Variants in PODN observed in about 807,000 individuals in gnomAD.
The protein encoded by PODN is podocan.
In PODN, 40 loss-of-function variants were observed where a neutral mutation model predicts 52.7. The ratio of observed to expected loss-of-function variants is 0.76; its 90% CI spans 0.59 to 0.99. PODN has a LOEUF of 0.99. Among genes scored for constraint, PODN ranks in the 50% least tolerant of loss-of-function variants. The pLI is 0.00. For synonymous variants in PODN, 396 were observed against 377.9 expected (o/e 1.05, Z -0.56); for missense variants, 720 against 815.1 (o/e 0.88, Z 1.42).
At chr1:53,075,341 A>AG (rs1269042453) in intron 4 of PODN, among the ~76,000 whole-genome samples, 1 of 152,138 alleles carries the variant, frequency 6.6e-6, no homozygotes, top group Non-Finnish European at 1.5e-5. Flanking sequence ...CAGCTCTGCA[A>AG]GGGGGCATCT....
chr1:53,075,867 C>T lies in PODN; in HGVS notation c.477C>T (p.Thr159=), dbSNP rs1354518772. The change falls in exon 5 of 11, where the codon ACC becomes ACT. Residue 159 remains threonine (T), a synonymous_variant. Transcript: ENST00000312553. ...CCCAACTCTTCCCTTCCCAGCTGAC[C>T]TTGGCACCCCGCTTCCTGCCAAACG... ...NYLYLANNKL[T]LAPRFLPNAL... The T allele has an allele frequency of 1.3e-6, 2 of 1,596,606 alleles. No homozygotes were observed. Among genetic ancestry groups the T allele is most frequent in the Non-Finnish European group, 1.7e-6 (2 of 1,169,728 alleles).
Position 53,084,549 on chromosome 1 carries a change from CCT to C in PODN, c.*65_*66del. On this transcript the variant is annotated 3_prime_UTR_variant, in exon 11 of 11. Coordinates refer to ENST00000312553, the MANE Select transcript of PODN (RefSeq NM_153703.5). ...GCCGGACTCTTTTCTGCAGCACACG[CCT>C]GTGTGCTGTGAGCCCCCCACTCTGC... The C allele has an allele frequency of 6.6e-6, 1 of 152,524 alleles. No homozygotes were observed. The highest frequency in any genetic ancestry group is 1.5e-5 in the Non-Finnish European group (1 of 68,196). The allele number at this position is 152,524 out of a possible 1,614,324, so 9.4% of individuals were successfully genotyped here. A position where few individuals can be genotyped will look rare whatever the true frequency, so the allele number is the denominator to read the frequency against.
chr1:53,066,973 C>G (rs971450598), intron 1 of PODN: 1 of 1,156,162 alleles, frequency 8.6e-7, no homozygotes, highest in Non-Finnish European at 1.2e-6. Context: ...CACACTCTCG[C>G]TCTTAGAACC....
At chr1:53,084,286 T>C (rs986964498) in intron 10 of PODN, among the ~76,000 whole-genome samples, 1 of 151,596 alleles carries the variant, frequency 6.6e-6, no homozygotes, top group Non-Finnish European at 1.5e-5. Context: ...TCAGGTCAGT[T>C]GAGTGGGGCT....
chr1:53,083,159 C>G (rs769469303), intron 10 of PODN, among the ~76,000 whole-genome samples: 8 of 152,148 alleles, frequency 5.3e-5, no homozygotes, highest in Admixed American at 3.3e-4. Flanking sequence ...GGAAGTGGGT[C>G]CAGGCACTGC....
chr1:53,067,399 T>C (rs1482917504), intron 1 of PODN, among the ~76,000 whole-genome samples: 1 of 152,038 alleles, frequency 6.6e-6, no homozygotes. Flanking sequence ...TGTTGTCCCC[T>C]CCAGATGGAG....
intron 2 of PODN, 144 bp downstream of exon 2, chr1:53,070,311 G>C: frequency 7.6e-7 from 1 of 1,323,616 alleles, no homozygotes; most frequent in Non-Finnish European, 1.0e-6. Context: ...AGGGTGCTGG[G>C]GCAGGTCAGA....
At chr1:53,072,943 T>C (rs1253227387) in intron 3 of PODN, 1 of 186,090 alleles carries the variant, frequency 5.4e-6, no homozygotes, top group Admixed American at 5.3e-5. Flanking sequence ...GCACCTGTAA[T>C]CCGAGCTACT....
At chr1:53,072,912 A>G (rs1644141160) in intron 3 of PODN, 1 of 156,808 alleles carries the variant, frequency 6.4e-6, no homozygotes, top group South Asian at 1.8e-4. Context: ...AATACAAAAA[A>G]TTATCCCGGT....
chr1:53,066,339 T>C lies in PODN; in HGVS notation c.-55-3462T>C, dbSNP rs1644033084. 1.3e-5 allele frequency among the ~76,000 whole-genome samples: 2 copies of C among 152,190 alleles called. 1 individual carries two copies. Among genetic ancestry groups the C allele is most frequent in the South Asian group, 4.1e-4 (2 of 4,828 alleles). On this transcript the variant is annotated intron_variant, in intron 1 of 10. Transcript: ENST00000312553. ...GTAAAATGAAACTGGTAACATTTAT[T>C]TAACCTGTTCAAAATATTATCATGT...
chr1:53,080,603 ACC>A, intron 8 of PODN, 123 bp from the exon 9 acceptor site: 2 of 1,012,488 alleles, frequency 2.0e-6, no homozygotes, highest in Non-Finnish European at 2.9e-6. Flanking sequence ...AATTATAGAC[ACC>A]CCCCCTCCTC....
chr1:53,067,381 C>T (rs1032508881), intron 1 of PODN, among the ~76,000 whole-genome samples: 11 of 152,098 alleles, frequency 7.2e-5, no homozygotes, highest in Non-Finnish European at 1.0e-4. Context: ...GTTATTGGTA[C>T]CGGGGTCTGT....
chr1:53,063,925 TA>T (rs1487707918), intron 1 of PODN, among the ~76,000 whole-genome samples: 1 of 152,040 alleles, frequency 6.6e-6, no homozygotes, highest in Non-Finnish European at 1.5e-5. Flanking sequence ...GACCCTTCCT[TA>T]AACACACGTC....
At chr1:53,080,493 A>T (rs986112700) in intron 8 of PODN, among the ~76,000 whole-genome samples, 10 of 152,138 alleles carry the variant, frequency 6.6e-5, no homozygotes, top group African/African-American at 2.4e-4. Flanking sequence ...AAGGGTTTGG[A>T]GTCAGGCACA....
Position 53,078,586 on chromosome 1 carries a change from A to G in PODN, c.1076A>G (p.Lys359Arg), listed in dbSNP as rs772970460. ...GIHPLAFQGL[K>R]RLHTVHLYNN... ...CACCCACTGGCCTTCCAGGGCCTCA[A>G]GCGGTTGCACACGGTGCACCTGTAC... is the stretch of plus-strand genomic sequence containing the variant. Residue 359 changes from lysine (K) to arginine (R), a missense_variant, in exon 8 of 11, where the codon AAG becomes AGG. Lys to Arg is a conservative substitution (Grantham distance 26). Coordinates refer to ENST00000312553, the MANE Select transcript of PODN (RefSeq NM_153703.5). 3 of 1,613,078 alleles carry G rather than the reference A, an allele frequency of 1.9e-6. No individual in the cohort carries two copies. Among genetic ancestry groups the G allele is most frequent in the South Asian group, 2.2e-5 (2 of 91,088 alleles).
At chr1:53,074,461 G>C (rs1231595183) in intron 3 of PODN, 145 bp from the exon 4 acceptor site, 1 of 836,784 alleles carries the variant, frequency 1.2e-6, no homozygotes, top group Non-Finnish European at 2.0e-6. Flanking sequence ...GGCTGGGCAG[G>C]CCCCCCAACT....
At chr1:53,083,243 G>A (rs1644319728) in intron 10 of PODN, among the ~76,000 whole-genome samples, 1 of 152,160 alleles carries the variant, frequency 6.6e-6, no homozygotes, top group South Asian at 2.1e-4. Flanking sequence ...TGAAGTTCAG[G>A]AAACGCTCAT....
chr1:53,068,773 C>A (rs1199862652), intron 1 of PODN, among the ~76,000 whole-genome samples: 1 of 152,114 alleles, frequency 6.6e-6, no homozygotes, highest in African/African-American at 2.4e-5. Flanking sequence ...AAACCAGGAA[C>A]CCACCAAGAG....
At position 53,077,795 on chromosome 1, in the gene PODN, C is replaced by T. The variant is rs142794383; in HGVS notation, c.849C>T (p.Thr283=). The T allele has an allele frequency of 3.7e-6, 6 of 1,613,048 alleles. No homozygotes were observed. In the South Asian group the frequency reaches 5.5e-5, roughly 15 times the overall value. Residue 283 remains threonine, a synonymous_variant, in exon 7 of 11, where the codon ACC becomes ACT. Transcript: ENST00000312553. ...CTGACGAGGGCCTGGACAACGAGAC[C>T]TTCTGGTGAGTCCTTGTCTCACCAG... ...YLTDEGLDNE[T]FWKLSSLEYL... is the part of the protein sequence containing the mutation.
Sources: allele counts gnomAD v4.1 joint callset (sites outside exome capture counted in the v4.1 genomes callset), GRCh38; gene constraint gnomAD v4.1.1; transcripts MANE v1.5; gene names NCBI Gene and HGNC (gene_info 2026-07-23, HGNC 2026-07-21).